Variants in MAPK10 observed in about 807,000 individuals in gnomAD.
The protein encoded by MAPK10 is JNK3 alpha protein kinase.
A neutral mutation model predicts 59.3 loss-of-function variants in MAPK10; 25 were observed. The ratio of observed to expected loss-of-function variants is 0.42; its 90% CI spans 0.31 to 0.59. The LOEUF (loss-of-function observed/expected upper bound fraction) is 0.59, where lower values mean the gene tolerates loss of function less well. Among genes scored for constraint, MAPK10 ranks in the 20% least tolerant of loss-of-function variants. The pLI is 0.15. For synonymous variants in MAPK10, 190 were observed against 200.5 expected (o/e 0.95, Z 0.44); for missense variants, 351 against 568.9 (o/e 0.62, Z 3.90).
rs116026761 is a variant in MAPK10, at chr4:86,450,744, G to A, written c.-122+2286C>T. Among the ~76,000 whole-genome samples, 382 of 152,212 alleles carry A rather than the reference G, an allele frequency of 2.5e-3. 2 individuals carry two copies. The highest frequency in any genetic ancestry group is 4.3e-3 in the Non-Finnish European group (290 of 68,012). On this transcript the variant is annotated intron_variant, in intron 1 of 13. Coordinates refer to the MAPK10 transcript ENST00000361569. ...CTTACAACCCAGCATATGGGTTCAC[G>A]CTTGACATTTAATGTCTCAGTCATA...
rs149685618 is a variant in MAPK10 at position 86,156,349 on chromosome 4, T to C, written c.236+2949A>G. Among the ~76,000 whole-genome samples the C allele has an allele frequency of 2.6e-3, 396 of 152,158 alleles. 3 individuals carry two copies. Among genetic ancestry groups the C allele is most frequent in the Admixed American group, 4.0e-3 (61 of 15,264 alleles). On this transcript the variant is annotated intron_variant, in intron 4 of 13. Coordinates refer to ENST00000641462, the MANE Select transcript of MAPK10 (RefSeq NM_138982.4). ...ATACTTAATTTTCAAGGTACAGATA[T>C]TTTACAATTCTATGATTTTATCTTA...
chr4:86,128,136 G>A (rs2060374944), intron 4 of MAPK10, among the ~76,000 whole-genome samples: 2 of 152,066 alleles, frequency 1.3e-5, no homozygotes, highest in South Asian at 4.1e-4. Flanking sequence ...TGTTGTTCAA[G>A]TGCCAAAATC....
intron 4 of MAPK10, among the ~76,000 whole-genome samples, chr4:86,134,878 G>T (rs2061632498): frequency 6.6e-6 from 1 of 152,216 alleles, no homozygotes; most frequent in African/African-American, 2.4e-5. Flanking sequence ...CTCGGGAAGT[G>T]CAAGGGGTCA....
chr4:86,423,452 T>C (rs1746794546), intron 1 of MAPK10, among the ~76,000 whole-genome samples: 2 of 152,260 alleles, frequency 1.3e-5, no homozygotes, highest in Admixed American at 6.5e-5. Context: ...AGCTAATGTA[T>C]GTAAAGTACT....
intron 4 of MAPK10, among the ~76,000 whole-genome samples, chr4:86,134,967 G>A (rs1271233517): frequency 1.3e-5 from 2 of 152,282 alleles, no homozygotes; most frequent in East Asian, 1.9e-4. Context: ...TGAATACTGC[G>A]CTTTTCCGAC....
chr4:86,465,676 G>T (rs1752135354), intron 1 of MAPK10, among the ~76,000 whole-genome samples: 1 of 152,186 alleles, frequency 6.6e-6, no homozygotes, highest in African/African-American at 2.4e-5. Context: ...GGTTATGCTT[G>T]TGTTTCTCCA....
chr4:86,071,650 A>T (rs1184143272), intron 9 of MAPK10, among the ~76,000 whole-genome samples: 4 of 151,242 alleles, frequency 2.6e-5, no homozygotes, highest in African/African-American at 9.8e-5. Context: ...TAAATAGGGA[A>T]TCCTTTCCCC....
intron 1 of MAPK10, among the ~76,000 whole-genome samples, chr4:86,493,800 A>T (rs991035195): frequency 2.6e-5 from 4 of 152,158 alleles, no homozygotes; most frequent in Admixed American, 1.3e-4. Flanking sequence ...TTAATGTTTT[A>T]AAAAAAGAGC....
At chr4:86,125,812 A>G (rs909082616) in intron 4 of MAPK10, 7 of 152,102 alleles carry the variant, frequency 4.6e-5, no homozygotes, top group African/African-American at 1.7e-4. Flanking sequence ...AACTTTATTT[A>G]TGCCAGAAGC....
At chr4:86,189,284 G>A (rs2079074077) in intron 3 of MAPK10, among the ~76,000 whole-genome samples, 1 of 152,164 alleles carries the variant, frequency 6.6e-6, no homozygotes, top group Non-Finnish European at 1.5e-5. Flanking sequence ...TGTGAAGAAT[G>A]TCAAAGGTAG....
chr4:86,571,232 A>T (rs1353471764), intron 1 of MAPK10, among the ~76,000 whole-genome samples: 4 of 142,938 alleles, frequency 2.8e-5, no homozygotes, highest in South Asian at 2.3e-4. Context: ...AAATTAATTT[A>T]AAAAAATCTT....
chr4:86,150,338 A>G (rs2066099893), intron 4 of MAPK10, among the ~76,000 whole-genome samples: 1 of 152,216 alleles, frequency 6.6e-6, no homozygotes, highest in Non-Finnish European at 1.5e-5. Context: ...AAAACTACAC[A>G]TTAGGTAACA....
chr4:86,250,347 T>C (rs1185607622), intron 2 of MAPK10, among the ~76,000 whole-genome samples: 1 of 152,204 alleles, frequency 6.6e-6, no homozygotes, highest in Non-Finnish European at 1.5e-5. Flanking sequence ...TAAGTACTCA[T>C]TCAGAGGTCT....
At chr4:86,204,721 A>G (rs1029119424) in intron 2 of MAPK10, among the ~76,000 whole-genome samples, 11 of 151,956 alleles carry the variant, frequency 7.2e-5, no homozygotes, top group South Asian at 2.1e-4. Flanking sequence ...TCCAACTCCA[A>G]TGAGATTACT....
intron 11 of MAPK10, among the ~76,000 whole-genome samples, chr4:86,040,528 G>C (rs1459616010): frequency 6.6e-6 from 1 of 152,090 alleles, no homozygotes; most frequent in Non-Finnish European, 1.5e-5. Context: ...TTTAGTTCAA[G>C]AAGAGAAAGA....
chr4:86,559,183 C>CAAA (rs1760487126), intron 1 of MAPK10, among the ~76,000 whole-genome samples: 2 of 151,330 alleles, frequency 1.3e-5, no homozygotes, highest in African/African-American at 4.9e-5. Context: ...TTGAGACATC[C>CAAA]CCAAAAATTT....
chr4:86,041,914 C>A (rs988787542), intron 11 of MAPK10, among the ~76,000 whole-genome samples: 9 of 152,204 alleles, frequency 5.9e-5, no homozygotes, highest in Non-Finnish European at 1.3e-4. Context: ...GTAGTGATTC[C>A]TCAAAGATCT....
chr4:86,268,860 A>G (rs568840236), intron 2 of MAPK10, among the ~76,000 whole-genome samples: 1 of 152,292 alleles, frequency 6.6e-6, no homozygotes, highest in South Asian at 2.1e-4. Flanking sequence ...GAATAAGTGA[A>G]TGAATAAATT....
chr4:86,058,958 A>C (rs2045188779), intron 11 of MAPK10, among the ~76,000 whole-genome samples: 1 of 152,138 alleles, frequency 6.6e-6, no homozygotes, highest in Non-Finnish European at 1.5e-5. Context: ...ATAGCTGCTC[A>C]AAGTTGAAAA....
Sources: gnomAD v4.1 joint callset for allele counts (sites outside exome capture counted in the v4.1 genomes callset) on GRCh38, gnomAD v4.1.1 for gene constraint, MANE v1.5 for transcripts, NCBI Gene and HGNC (gene_info 2026-07-23, HGNC 2026-07-21) for gene names.